The following CTNNA1 variants were observed in gnomAD, a reference collection of about 807,000 sequenced individuals.
CTNNA1 encodes the protein catenin alpha 1, also known as catenin alpha-1.
Under a neutral mutation model 98.4 loss-of-function variants are expected in CTNNA1, and 37 were observed. That is an observed-to-expected ratio of 0.38 (90% CI 0.29 to 0.49). The LOEUF is 0.49. Ranked by LOEUF, CTNNA1 falls within the 20% of genes least tolerant of loss-of-function variation. The pLI is 0.95. For synonymous variants in CTNNA1, 404 were observed against 413.2 expected (o/e 0.98, Z 0.27); for missense variants, 761 against 1,147.2 (o/e 0.66, Z 4.86).
At chr5:138,911,237 A>G (rs1346173062) in intron 10 of CTNNA1, among the ~76,000 whole-genome samples, 3 of 152,192 alleles carry the variant, frequency 2.0e-5, no homozygotes, top group African/African-American at 4.8e-5. Context: ...CCCTGTCTCA[A>G]AAACAAAAAA....
chr5:138,860,265 A>G (rs190478896), intron 7 of CTNNA1, among the ~76,000 whole-genome samples: 1 of 152,328 alleles, frequency 6.6e-6, no homozygotes, highest in Admixed American at 6.5e-5. Flanking sequence ...GCTGAACTTC[A>G]GATAAACCGT....
chr5:138,919,820 G>A (rs1448214261), intron 11 of CTNNA1, among the ~76,000 whole-genome samples: 2 of 152,124 alleles, frequency 1.3e-5, no homozygotes, highest in East Asian at 3.9e-4. Flanking sequence ...ATAGGGCAAG[G>A]CCTTTCTTCA....
At chr5:138,848,657 A>G (rs1263834593) in intron 7 of CTNNA1, among the ~76,000 whole-genome samples, 1 of 152,188 alleles carries the variant, frequency 6.6e-6, no homozygotes, top group Non-Finnish European at 1.5e-5. Flanking sequence ...TCTTGCCTGA[A>G]GTTGGTAGCT....
At chr5:138,769,595 C>G (rs988916904) in intron 1 of CTNNA1, among the ~76,000 whole-genome samples, 2 of 150,750 alleles carry the variant, frequency 1.3e-5, no homozygotes, top group Non-Finnish European at 3.0e-5. Flanking sequence ...TGCAATGGTG[C>G]GATCTTGGCT....
intron 1 of CTNNA1, among the ~76,000 whole-genome samples, chr5:138,778,142 C>G (rs999479386): frequency 7.2e-6 from 1 of 139,404 alleles, no homozygotes; most frequent in Non-Finnish European, 1.6e-5. Context: ...TACAGGCGAC[C>G]GCCACCACGC....
At chr5:138,827,444 A>T in intron 6 of CTNNA1, 71 bp from the exon 7 acceptor site, 1 of 1,534,530 alleles carries the variant, frequency 6.5e-7, no homozygotes, top group South Asian at 1.1e-5. Flanking sequence ...ATTACTAATA[A>T]CACTTTTCTC....
At chr5:138,832,685 T>C (rs1333397289) in intron 7 of CTNNA1, among the ~76,000 whole-genome samples, 1 of 152,250 alleles carries the variant, frequency 6.6e-6, no homozygotes, top group Non-Finnish European at 1.5e-5. Flanking sequence ...TTTCTTCTTC[T>C]ATGCAGAGCA....
At chr5:138,753,851 T>G in intron 1 of CTNNA1, 1 of 175,798 alleles carries the variant, frequency 5.7e-6, no homozygotes, top group Non-Finnish European at 1.2e-5. Context: ...TTCTCGCGGT[T>G]TCCAAACTTT....
chr5:138,777,620 C>T (rs1323230358), intron 1 of CTNNA1, among the ~76,000 whole-genome samples: 1 of 152,100 alleles, frequency 6.6e-6, no homozygotes, highest in African/African-American at 2.4e-5. Flanking sequence ...CCTCTGGAGG[C>T]CGAGGCTGGC....
intron 7 of CTNNA1, chr5:138,871,303 G>A (rs936555256): frequency 2.0e-5 from 3 of 152,126 alleles, no homozygotes; most frequent in Non-Finnish European, 4.4e-5. Context: ...TGTAAAAAAT[G>A]CTCATTTTCT....
In CTNNA1 at chr5:138,796,842, CTT is replaced by C. The variant is rs368756420; in HGVS notation, c.302-13193_302-13192del. On this transcript the variant is annotated intron_variant, in intron 3 of 17. Coordinates refer to ENST00000302763, the MANE Select transcript of CTNNA1 (RefSeq NM_001903.5). ...ATTCAGGTGGATGTCTTTAAAATCT[CTT>C]TTCTCTTTTGGATTTGGCAGTTGAT... Among the ~76,000 whole-genome samples the C allele has an allele frequency of 5.3e-5, 8 of 152,162 alleles. No homozygotes were observed. In the East Asian group the frequency reaches 1.3e-3, roughly 26 times the overall value.
chr5:138,786,019 C>T (rs1404930268), intron 3 of CTNNA1, among the ~76,000 whole-genome samples: 2 of 152,124 alleles, frequency 1.3e-5, no homozygotes, highest in African/African-American at 2.4e-5. Context: ...ATTCCCTGCT[C>T]CCCAAACCCC....
At chr5:138,917,482 G>A (rs1762033783) in intron 10 of CTNNA1, among the ~76,000 whole-genome samples, 1 of 152,180 alleles carries the variant, frequency 6.6e-6, no homozygotes, top group Admixed American at 6.5e-5. Flanking sequence ...CTAGAATTTA[G>A]TGTCACTGAA....
Position 138,933,788 on chromosome 5 carries a change from T to TGTC in CTNNA1, c.2434-13_2434-11dup. Reference sequence around the variant, plus strand: ...TCAGGCCGGTGCTTCTTACCACCCCTGTCTGCCTCGTAGGTGGACAGCGCC... The same window carrying TGTC: ...TCAGGCCGGTGCTTCTTACCACCCCTGTCGTCTGCCTCGTAGGTGGACAGCGCC... On this transcript the variant is annotated splice_polypyrimidine_tract_variant and intron_variant, in intron 17 of 17. Coordinates refer to ENST00000302763, the MANE Select transcript of CTNNA1 (RefSeq NM_001903.5). The TGTC allele has an allele frequency of 6.2e-7, 1 of 1,610,378 alleles. No homozygotes were observed. Among genetic ancestry groups the TGTC allele is most frequent in the African/African-American group, 1.3e-5 (1 of 74,986 alleles).
intron 7 of CTNNA1, among the ~76,000 whole-genome samples, chr5:138,840,651 A>G (rs1381137740): frequency 6.6e-6 from 1 of 151,368 alleles, no homozygotes; most frequent in Non-Finnish European, 1.5e-5. Flanking sequence ...TTAGTTTAGA[A>G]TGCCCATATG....
intron 10 of CTNNA1, among the ~76,000 whole-genome samples, chr5:138,912,084 A>G (rs376829944): frequency 9.2e-5 from 14 of 152,198 alleles, no homozygotes; most frequent in African/African-American, 2.7e-4. Context: ...AGGATGTGTA[A>G]ATGTGAGACA....
intron 1 of CTNNA1, among the ~76,000 whole-genome samples, chr5:138,759,790 G>A (rs563901770): frequency 6.6e-6 from 1 of 152,180 alleles, no homozygotes; most frequent in African/African-American, 2.4e-5. Context: ...TCAGCTAAGG[G>A]CTGAAATTGA....
chr5:138,753,730 G>A lies in CTNNA1; in HGVS notation c.-3+220G>A, dbSNP rs988109846. On this transcript the variant is annotated intron_variant, in intron 1 of 17. Transcript: ENST00000302763. ...CCCGCAGGGCCCGAGTATGGGGCCC[G>A]GGCGGGCACGGCCGGCGCTTCCCAG... 18 of 314,806 alleles carry A rather than the reference G, an allele frequency of 5.7e-5. 1 individual carries two copies. Among genetic ancestry groups the A allele is most frequent in the Non-Finnish European group, 1.0e-4 (18 of 172,334 alleles). 19.5% of individuals were successfully genotyped at this position (314,806 alleles called of 1,614,324 possible).
chr5:138,914,354 T>TA (rs926234821), intron 10 of CTNNA1, among the ~76,000 whole-genome samples: 38 of 152,238 alleles, frequency 2.5e-4, no homozygotes, highest in South Asian at 1.7e-3. Flanking sequence ...AAAGTGGTCT[T>TA]ACAATGGTGA....
Sources: gnomAD v4.1 joint callset for allele counts (sites outside exome capture counted in the v4.1 genomes callset) on GRCh38, gnomAD v4.1.1 for gene constraint, MANE v1.5 for transcripts, NCBI Gene and HGNC (gene_info 2026-07-23, HGNC 2026-07-21) for gene names.